The following TTC3 variants were observed in gnomAD, a reference collection of about 807,000 sequenced individuals.
TTC3 encodes E3 ubiquitin-protein ligase TTC3.
In TTC3, 180 loss-of-function variants were observed where a neutral mutation model predicts 249.6. The observed-to-expected ratio is 0.72, with a 90% CI of 0.64 to 0.82. The LOEUF is 0.82. TTC3 is among the 40% of genes least tolerant of loss of function. TTC3 has a pLI of 0.00. For synonymous variants in TTC3, 717 were observed against 805.0 expected, an observed-to-expected ratio of 0.89 and a Z score of 1.85; for missense variants, 2,061 against 2,398.4, an observed-to-expected ratio of 0.86 and a Z score of 2.94.
intron 35 of TTC3, among the ~76,000 whole-genome samples, chr21:37,181,997 A>G (rs1404306511): frequency 6.6e-6 from 1 of 152,220 alleles, no homozygotes; most frequent in Non-Finnish European, 1.5e-5. Context: ...CGTCATTGAT[A>G]ATAGTGAGAT....
At chr21:37,175,250 C>T (rs1453455057) in intron 35 of TTC3, among the ~76,000 whole-genome samples, 31 of 109,310 alleles carry the variant, frequency 2.8e-4, no homozygotes, top group African/African-American at 5.3e-4. Context: ...GACAACAGAG[C>T]GAGACTGTGT....
At chr21:37,088,807 G>C (rs201611078) in exon 5 of TTC3, 1 of 1,611,946 alleles carries the variant, frequency 6.2e-7, no homozygotes, top group South Asian at 1.1e-5. Context: ...AGCAATTCAC[G>C]TGCTTCTGAG....
At chr21:37,132,562 C>T in intron 16 of TTC3, 120 bp from the exon 17 acceptor site, 1 of 545,556 alleles carries the variant, frequency 1.8e-6, no homozygotes, top group Non-Finnish European at 3.0e-6. Flanking sequence ...ATCCACCCAC[C>T]TCGGCCTCCC....
At chr21:37,075,887 TATG>T (rs1350000963) in intron 1 of TTC3, among the ~76,000 whole-genome samples, 1 of 152,236 alleles carries the variant, frequency 6.6e-6, no homozygotes, top group Non-Finnish European at 1.5e-5. Flanking sequence ...TTTTTTTTCT[TATG>T]ATGAATGTTT....
chr21:37,178,699 C>A (rs1377125194), intron 35 of TTC3, among the ~76,000 whole-genome samples: 2 of 152,144 alleles, frequency 1.3e-5, no homozygotes, highest in Non-Finnish European at 2.9e-5. Context: ...GTGGCTTACA[C>A]CTATAAAACC....
chr21:37,164,455 C>T (rs1382693235), intron 32 of TTC3, among the ~76,000 whole-genome samples: 1 of 151,714 alleles, frequency 6.6e-6, no homozygotes. Flanking sequence ...TGTCATGCGT[C>T]AGCCTCCCGA....
At chr21:37,092,291 G>GT (rs2073375622) in intron 7 of TTC3, among the ~76,000 whole-genome samples, 1 of 152,204 alleles carries the variant, frequency 6.6e-6, no homozygotes, top group Non-Finnish European at 1.5e-5. Flanking sequence ...ATTGACTTAA[G>GT]TGCTAGAAAG....
intron 10 of TTC3, 38 bp downstream of exon 10, chr21:37,096,681 T>C (rs1173544321): frequency 1.4e-6 from 2 of 1,473,242 alleles, no homozygotes; most frequent in South Asian, 1.2e-5. Context: ...TGAATTATTA[T>C]GCTAAATACC....
Position 37,087,251 on chromosome 21 carries a change from G to A in TTC3, c.-7G>A. On this transcript the variant is annotated 5_prime_UTR_variant, in exon 2 of 46. The change creates a new upstream start codon in the 5' untranslated region. Transcript: ENST00000355666. ...GAGTTTGTGTTGTCTCCTTAGACTT[G>A]TGCACCATGGACAATTTTGCTGAGG... 6.2e-7 allele frequency: 1 copy of A among 1,613,614 alleles called. No homozygotes were observed. Among genetic ancestry groups the A allele is most frequent in the Non-Finnish European group, 8.5e-7 (1 of 1,179,938 alleles).
intron 16 of TTC3, among the ~76,000 whole-genome samples, chr21:37,129,313 T>C (rs1322228420): frequency 6.6e-6 from 1 of 152,176 alleles, no homozygotes; most frequent in Non-Finnish European, 1.5e-5. Flanking sequence ...ATTAATTTCT[T>C]AAATCCCAGA....
chr21:37,088,243 C>G, exon 4 of TTC3: 3 of 1,612,718 alleles, frequency 1.9e-6, no homozygotes, highest in Non-Finnish European at 2.5e-6. Context: ...TTCTGTCCTG[C>G]AAGATTATTG....
chr21:37,099,829 C>T (rs1445396974), intron 10 of TTC3, among the ~76,000 whole-genome samples: 1 of 152,164 alleles, frequency 6.6e-6, no homozygotes, highest in Admixed American at 6.5e-5. Context: ...AAGATATGTA[C>T]ATGCCTTCAT....
intron 9 of TTC3, among the ~76,000 whole-genome samples, chr21:37,096,066 C>T (rs2073910780): frequency 6.6e-6 from 1 of 152,178 alleles, no homozygotes; most frequent in African/African-American, 2.4e-5. Flanking sequence ...GGTTAGTGTA[C>T]CACCTCTGAG....
chr21:37,179,095 G>A (rs766877974), intron 35 of TTC3, among the ~76,000 whole-genome samples: 2 of 152,110 alleles, frequency 1.3e-5, no homozygotes, highest in Non-Finnish European at 2.9e-5. Context: ...GATGTGATGA[G>A]ACCCTCACTC....
intron 34 of TTC3, among the ~76,000 whole-genome samples, chr21:37,170,515 T>TG (rs2081669777): frequency 6.6e-6 from 1 of 152,226 alleles, no homozygotes; most frequent in African/African-American, 2.4e-5. Context: ...GGGATTTGTA[T>TG]GTTTGTTTTG....
intron 27 of TTC3, among the ~76,000 whole-genome samples, chr21:37,153,521 A>T (rs924048783): frequency 2.8e-4 from 43 of 152,274 alleles, no homozygotes; most frequent in Admixed American, 2.1e-3. Context: ...AGAATTTTTT[A>T]AAAAAAGAAC....
Position 37,158,509 on chromosome 21 carries a change from T to C in TTC3, c.2993-1190T>C, listed in dbSNP as rs538493322. 2.6e-5 allele frequency among the ~76,000 whole-genome samples: 4 copies of C among 152,348 alleles called. No individual in the cohort carries two copies. In the South Asian group the frequency reaches 8.3e-4, roughly 32 times the overall value. On this transcript the variant is annotated intron_variant, in intron 28 of 45. Coordinates refer to ENST00000355666, the Ensembl canonical transcript of TTC3. ...TCATTTAAAAGAATAGTTATATTTC[T>C]TAAAACTTTTCAAAATCTACTGATC...
intron 24 of TTC3, 51 bp downstream of exon 24, chr21:37,150,221 C>T (rs1380228612): frequency 8.0e-7 from 1 of 1,248,672 alleles, no homozygotes; most frequent in Non-Finnish European, 1.2e-6. Context: ...AATGTTTACA[C>T]CTTTTGAAAC....
rs953386168 is a variant in TTC3, at chr21:37,114,276, T to C, written c.900+5830T>C. Among the ~76,000 whole-genome samples, 12 of 152,038 alleles carry C rather than the reference T, an allele frequency of 7.9e-5. No homozygotes were observed. The South Asian group carries it at 1.5e-3, about 18-fold the overall frequency. On this transcript the variant is annotated intron_variant, in intron 11 of 45. Coordinates refer to ENST00000355666, the Ensembl canonical transcript of TTC3. ...AACCTACAAAATGGGAGAAAATTTT[T>C]GCAACCTACTCATCTGACAAAGGGC...
Sources: gnomAD v4.1 joint callset for allele counts (sites outside exome capture counted in the v4.1 genomes callset) on GRCh38, gnomAD v4.1.1 for gene constraint, MANE v1.5 for transcripts, NCBI Gene and HGNC (gene_info 2026-07-23, HGNC 2026-07-21) for gene names.